The following RPL3 variants were observed in gnomAD, a reference collection of about 807,000 sequenced individuals.
The protein encoded by RPL3 is ribosomal protein L3.
RPL3 carries 3 observed loss-of-function variants against 46.0 expected under a neutral mutation model. The observed-to-expected ratio is 0.07, with a 90% CI of 0.03 to 0.17. The LOEUF (loss-of-function observed/expected upper bound fraction) is 0.17. RPL3 is among the 10% of genes least tolerant of loss of function. The pLI is 1.00. For missense variants in RPL3, 387 were observed against 532.7 expected, an observed-to-expected ratio of 0.73 and a Z score of 2.69; for synonymous variants, 224 against 190.8, an observed-to-expected ratio of 1.17 and a Z score of -1.43.
chr22:39,316,756 T>C lies in RPL3; in HGVS notation c.451A>G (p.Ser151Gly), dbSNP rs1215807418. 1 of 1,613,510 alleles carries C rather than the reference T, an allele frequency of 6.2e-7. No individual in the cohort carries two copies. Among genetic ancestry groups the C allele is most frequent in the Admixed American group, 1.7e-5 (1 of 60,020 alleles). ...ACTTGGCAGTACTTCTTCATGCTGCTGAAGTCCTTCTCCAGCTGCTTCTTG... is the reference window on the plus strand; with the variant it reads ...ACTTGGCAGTACTTCTTCATGCTGCCGAAGTCCTTCTCCAGCTGCTTCTTG... ...DGKKQLEKDFSSMKKYCQVIR... is the reference protein window; with the variant it reads ...DGKKQLEKDFGSMKKYCQVIR... Residue 151 changes from serine (S) to glycine (G), a missense_variant, in exon 4 of 10, where the codon AGC becomes GGC. By Grantham distance (56) the Ser-to-Gly change is moderately conservative. This residue lies in a region of RPL3 where 196 missense variants were observed against 217.5 expected (regional missense o/e 0.90). Coordinates refer to ENST00000216146, the MANE Select transcript of RPL3 (RefSeq NM_000967.4).
rs1278199198 is a variant in RPL3 at position 39,317,591 on chromosome 22, C to T, written c.235G>A (p.Val79Ile). 7.4e-6 allele frequency: 12 copies of T among 1,613,872 alleles called. No individual in the cohort carries two copies. Among genetic ancestry groups the T allele is most frequent in the Non-Finnish European group, 8.5e-6 (10 of 1,179,888 alleles). ...KKEVVEAVTI[V>I]ETPPMVVVGI... ...ACAACCACCATGGGTGGTGTCTCTACAATGGTCACAGCCTCCACCACCTCC... is the reference window on the plus strand; with the variant it reads ...ACAACCACCATGGGTGGTGTCTCTATAATGGTCACAGCCTCCACCACCTCC... Residue 79 changes from valine (V) to isoleucine (I), a missense_variant, in exon 3 of 10, where the codon GTA becomes ATA. Around this residue, in one of 5 missense-constraint regions of RPL3, gnomAD observed 196 missense variants for 217.5 expected, o/e 0.90. Transcript: ENST00000216146.
At chr22:39,317,964 G>C (rs1011726393) in intron 2 of RPL3, 1 of 365,096 alleles carries the variant, frequency 2.7e-6, no homozygotes, top group African/African-American at 2.1e-5. Context: ...AGTATCAACT[G>C]CCTAACATTA....
chr22:39,317,210 T>C (rs774985345), intron 3 of RPL3: 3 of 574,944 alleles, frequency 5.2e-6, no homozygotes, highest in Non-Finnish European at 9.2e-6. Flanking sequence ...TGGTTTCTAG[T>C]TGGACTCCTC....
Position 39,318,596 on chromosome 22 carries a change from G to C in RPL3, c.4-4C>G. ...GAGCGGAGAACTTTCTGTGAGACTA[G>C]GTGGGAAAAAAATCACCGTCAGCAC... is the stretch of plus-strand genomic sequence containing the variant. On this transcript the variant is annotated splice_polypyrimidine_tract_variant and splice_region_variant and intron_variant, in intron 1 of 9. Transcript: ENST00000216146. 6.2e-7 allele frequency: 1 copy of C among 1,603,000 alleles called. No individual in the cohort carries two copies. The highest frequency in any genetic ancestry group is 8.5e-7 in the Non-Finnish European group (1 of 1,174,680).
chr22:39,316,557 G>C (rs979955252), intron 4 of RPL3, 149 bp downstream of exon 4: 1 of 968,566 alleles, frequency 1.0e-6, no homozygotes, highest in African/African-American at 1.6e-5. Flanking sequence ...AAGGGGAATG[G>C]TTCCCTTGCT....
chr22:39,318,904 T>C, intron 1 of RPL3: 2 of 454,014 alleles, frequency 4.4e-6, no homozygotes, highest in Non-Finnish European at 8.9e-6. Flanking sequence ...CAGCTTTATA[T>C]GCCAATTAGC....
intron 8 of RPL3, 146 bp from the exon 9 acceptor site, chr22:39,313,456 A>G (rs1488749001): frequency 7.2e-7 from 1 of 1,391,972 alleles, no homozygotes; most frequent in Admixed American, 1.9e-5. Flanking sequence ...TCAAAGCAGC[A>G]AACAGCCCAG....
chr22:39,316,110 A>G (rs896903036), intron 4 of RPL3, among the ~76,000 whole-genome samples: 11 of 152,272 alleles, frequency 7.2e-5, no homozygotes, highest in African/African-American at 1.7e-4. Context: ...GTGGTGGCGC[A>G]TGCCTGTAAT....
rs756982774 is a variant in RPL3, at chr22:39,319,539, G to A, written c.3+56C>T. The stretch of plus-strand genomic sequence containing the variant: ...AGACGGGATGGCGGCGATGCGTCGC[G>A]GATTCAGCCGTGCCGACGCCGGTGA... On this transcript the variant is annotated intron_variant, in intron 1 of 9. Transcript: ENST00000216146. 3.3e-5 allele frequency: 51 copies of A among 1,556,090 alleles called. No homozygotes were observed. The African/African-American group carries it at 6.3e-4, about 19-fold the overall frequency.
intron 5 of RPL3, 72 bp downstream of exon 5, chr22:39,315,297 C>T (rs2146513583): frequency 1.3e-6 from 2 of 1,597,528 alleles, no homozygotes; most frequent in South Asian, 1.1e-5. Flanking sequence ...TGAGCCTCAT[C>T]AACGAACAGC....
intron 1 of RPL3, 188 bp downstream of exon 1, chr22:39,319,407 G>A (rs1922910656): frequency 9.0e-6 from 7 of 780,268 alleles, no homozygotes; most frequent in Non-Finnish European, 1.5e-5. Flanking sequence ...CCCAAAGCCA[G>A]TCCTCCAAGC....
At chr22:39,313,579 C>T in intron 8 of RPL3, 55 bp downstream of exon 8, 2 of 1,547,016 alleles carry the variant, frequency 1.3e-6, no homozygotes, top group Non-Finnish European at 1.8e-6. Context: ...GCGTCTGTGG[C>T]CTTGGATCCT....
chr22:39,313,230 A>G lies in RPL3; in HGVS notation c.1128T>C (p.His376=). ...TCTCCTCCATGGTCTGGAAGCGGCCATGGCCAAACTTGGAGGTGGTGTCAA... is the reference window on the plus strand; with the variant it reads ...TCTCCTCCATGGTCTGGAAGCGGCCGTGGCCAAACTTGGAGGTGGTGTCAA... ...KFIDTTSKFG[H]GRFQTMEEKK... Residue 376 remains histidine, a synonymous_variant, in exon 9 of 10, where the codon CAT becomes CAC. Coordinates refer to ENST00000216146, the MANE Select transcript of RPL3 (RefSeq NM_000967.4). 6.2e-7 allele frequency: 1 copy of G among 1,610,758 alleles called. No homozygotes were observed. The highest frequency in any genetic ancestry group is 1.3e-5 in the African/African-American group (1 of 75,014).
rs1922715673 is a variant in RPL3, at chr22:39,316,701, C to T, written c.501+5G>A. The stretch of plus-strand genomic sequence containing the variant: ...GGCCAAGCCACCCCGGGGCACTGGG[C>T]TCACCTGGGTGTGGGCAATGACACG... On this transcript the variant is annotated splice_donor_5th_base_variant and intron_variant, in intron 4 of 9. Coordinates refer to ENST00000216146, the MANE Select transcript of RPL3 (RefSeq NM_000967.4). 1.9e-6 allele frequency: 3 copies of T among 1,612,166 alleles called. No individual in the cohort carries two copies. The East Asian group carries it at 6.7e-5, about 36-fold the overall frequency.
intron 8 of RPL3, 28 bp from the exon 9 acceptor site, chr22:39,313,338 G>C (rs1922473699): frequency 6.2e-7 from 1 of 1,613,372 alleles, no homozygotes; most frequent in Non-Finnish European, 8.5e-7. Flanking sequence ...AAGGGATTTA[G>C]GATTACGAGG....
In RPL3 at chr22:39,319,298, T is replaced by C. The variant is rs189352052; in HGVS notation, c.3+297A>G. 59 of 554,496 alleles carry C rather than the reference T, an allele frequency of 1.1e-4. 1 individual carries two copies. Among genetic ancestry groups the C allele is most frequent in the Admixed American group, 4.9e-4 (16 of 32,718 alleles). 34.3% of individuals were successfully genotyped at this position (554,496 alleles called of 1,614,324 possible). The stretch of plus-strand genomic sequence containing the variant: ...GCCCTAATCCCAACTAATGATAGAA[T>C]TGGTGAGGTCGAAACTTAGAAATGA... On this transcript the variant is annotated intron_variant, in intron 1 of 9. Transcript: ENST00000216146.
intron 2 of RPL3, 69 bp downstream of exon 2, chr22:39,318,331 G>A: frequency 5.9e-6 from 9 of 1,534,678 alleles, no homozygotes; most frequent in Middle Eastern, 1.7e-4. Flanking sequence ...CTAACAGCTT[G>A]ACTCCATCTC....
intron 5 of RPL3, 107 bp from the exon 6 acceptor site, chr22:39,314,953 A>G: frequency 6.8e-7 from 1 of 1,476,344 alleles, no homozygotes; most frequent in Non-Finnish European, 9.2e-7. Flanking sequence ...AGGGAGTGAT[A>G]AGATTATTTC....
chr22:39,319,497 AC>A, intron 1 of RPL3, 97 bp downstream of exon 1: 4 of 1,518,102 alleles, frequency 2.6e-6, no homozygotes, highest in Non-Finnish European at 3.6e-6. Flanking sequence ...CCTAAAGCAA[AC>A]CCCCGGCGCC....
Sources: allele counts gnomAD v4.1 joint callset (sites outside exome capture counted in the v4.1 genomes callset), GRCh38; gene constraint gnomAD v4.1.1; regional missense constraint gnomAD v4.1.1; transcripts MANE v1.5; gene names NCBI Gene and HGNC (gene_info 2026-07-23, HGNC 2026-07-21).